The following TMEM196 variants were observed in gnomAD, a reference collection of about 807,000 sequenced individuals.
TMEM196 encodes the protein transmembrane protein 196.
Under a neutral mutation model 20.0 loss-of-function variants are expected in TMEM196, and 17 were observed. That is an observed-to-expected ratio of 0.85 (90% CI 0.58 to 1.27). The LOEUF (loss-of-function observed/expected upper bound fraction) is 1.27. Among genes scored for constraint, TMEM196 ranks in the 50% most tolerant of loss-of-function variants. TMEM196 has a pLI of 0.00. For synonymous variants in TMEM196, 113 were observed against 88.9 expected, an observed-to-expected ratio of 1.27 and a Z score of -1.52; for missense variants, 267 against 223.0, an observed-to-expected ratio of 1.20 and a Z score of -1.26.
chr7:19,754,376 A>G lies in TMEM196; in HGVS notation c.147+18174T>C, dbSNP rs543974211. On this transcript the variant is annotated intron_variant, in intron 1 of 4. Coordinates refer to ENST00000405844, the MANE Select transcript of TMEM196 (RefSeq NM_001363562.2). ...AATTCTCAGCCAAGTGCTTCATTCA[A>G]AGTTAGCCCAATAATTATTTGTCAA... 2.0e-5 allele frequency among the ~76,000 whole-genome samples: 3 copies of G among 152,304 alleles called. 1 individual carries two copies. The highest frequency in any genetic ancestry group is 4.8e-5 in the African/African-American group (2 of 41,568).
chr7:19,725,273 A>C (rs1446142659), intron 3 of TMEM196, among the ~76,000 whole-genome samples: 1 of 152,234 alleles, frequency 6.6e-6, no homozygotes, highest in Non-Finnish European at 1.5e-5. Context: ...TCAATATTTT[A>C]TGAAATACTA....
At position 19,720,301 on chromosome 7, in the gene TMEM196, A is replaced by T. The variant is rs1274482296; in HGVS notation, c.*1827T>A. On this transcript the variant is annotated 3_prime_UTR_variant, in exon 5 of 5. Transcript: ENST00000405844. Reference sequence around the variant, plus strand: ...TTCTGTTGAATAGATGACAGCCAGAATTTTAAGTGAGCTGATTTAAATAGG... The same window carrying T: ...TTCTGTTGAATAGATGACAGCCAGATTTTTAAGTGAGCTGATTTAAATAGG... 1 of 152,050 alleles carries T rather than the reference A, an allele frequency of 6.6e-6. No individual in the cohort carries two copies. Among genetic ancestry groups the T allele is most frequent in the East Asian group, 1.9e-4 (1 of 5,196 alleles). 9.4% of individuals were successfully genotyped at this position (152,050 alleles called of 1,614,324 possible). A position where few individuals can be genotyped will look rare whatever the true frequency, so the allele number is the denominator to read the frequency against.
intron 1 of TMEM196, among the ~76,000 whole-genome samples, chr7:19,752,219 A>G (rs569498874): frequency 6.6e-6 from 1 of 152,218 alleles, no homozygotes; most frequent in African/African-American, 2.4e-5. Flanking sequence ...GATGCACAGC[A>G]GTTAATGAAA....
rs61372235 is a variant in TMEM196, at chr7:19,771,716, T to C, written c.147+834A>G. On this transcript the variant is annotated intron_variant, in intron 1 of 4. Coordinates refer to ENST00000405844, the MANE Select transcript of TMEM196 (RefSeq NM_001363562.2). ...AATGGTGCTGAGTTATTTTATTGAATCTTGGTGGAAGAAATGGGTCTCTAA... is the reference window on the plus strand; with the variant it reads ...AATGGTGCTGAGTTATTTTATTGAACCTTGGTGGAAGAAATGGGTCTCTAA... Among the ~76,000 whole-genome samples the C allele has an allele frequency of 5.9e-5, 9 of 152,316 alleles. No homozygotes were observed. In the East Asian group the frequency reaches 1.5e-3, roughly 26 times the overall value.
intron 1 of TMEM196, among the ~76,000 whole-genome samples, chr7:19,736,527 T>C (rs969731199): frequency 3.3e-5 from 5 of 151,256 alleles, no homozygotes; most frequent in African/African-American, 1.2e-4. Flanking sequence ...AAAATTAGAG[T>C]ATCCGGGGTA....
intron 1 of TMEM196, among the ~76,000 whole-genome samples, chr7:19,752,923 T>C (rs931866220): frequency 6.6e-6 from 1 of 152,164 alleles, no homozygotes; most frequent in Non-Finnish European, 1.5e-5. Flanking sequence ...TTTTGTTCAA[T>C]TTTTAAAATC....
chr7:19,748,909 A>C (rs183916926), intron 1 of TMEM196, among the ~76,000 whole-genome samples: 2 of 152,322 alleles, frequency 1.3e-5, no homozygotes, highest in African/African-American at 4.8e-5. Context: ...TTAGGTCACA[A>C]TAAAATGTTT....
At chr7:19,767,427 T>TC (rs1785679936) in intron 1 of TMEM196, among the ~76,000 whole-genome samples, 1 of 152,056 alleles carries the variant, frequency 6.6e-6, no homozygotes, top group South Asian at 2.1e-4. Context: ...AAGAAAGAGA[T>TC]TCTTTACCTG....
At chr7:19,729,479 C>G (rs1249319991) in intron 1 of TMEM196, 41 bp from the exon 2 acceptor site, 3 of 1,530,650 alleles carry the variant, frequency 2.0e-6, no homozygotes, top group East Asian at 2.5e-5. Flanking sequence ...TATCCAAAGA[C>G]ACGAGGACCC....
intron 1 of TMEM196, among the ~76,000 whole-genome samples, chr7:19,747,185 G>A (rs1016722333): frequency 2.3e-4 from 35 of 150,674 alleles, no homozygotes; most frequent in Non-Finnish European, 2.8e-4. Flanking sequence ...AACCCGGGAG[G>A]CGGAGCTTGC....
In TMEM196 at chr7:19,743,547, T is replaced by C. The variant is rs144970911; in HGVS notation, c.148-14109A>G. 1.3e-3 allele frequency among the ~76,000 whole-genome samples: 202 copies of C among 152,310 alleles called. 1 individual carries two copies. Among genetic ancestry groups the C allele is most frequent in the African/African-American group, 4.5e-3 (189 of 41,588 alleles). ...ATGATTTTCTTCCTGAATACATTTA[T>C]GCCAGAGGTCATCAGTATACATAAT... On this transcript the variant is annotated intron_variant, in intron 1 of 4. Coordinates refer to ENST00000405844, the MANE Select transcript of TMEM196 (RefSeq NM_001363562.2).
Position 19,738,307 on chromosome 7 carries a change from G to A in TMEM196, c.148-8869C>T, listed in dbSNP as rs1051587700. 3.3e-5 allele frequency among the ~76,000 whole-genome samples: 5 copies of A among 152,144 alleles called. No homozygotes were observed. In the South Asian group the frequency reaches 6.2e-4, roughly 19 times the overall value. On this transcript the variant is annotated intron_variant, in intron 1 of 4. Coordinates refer to ENST00000405844, the MANE Select transcript of TMEM196 (RefSeq NM_001363562.2). ...GTAAGAGTCTAGAATGATCCACATC[G>A]TAAGGGATTGGAGTTGTAGGTATCA...
intron 1 of TMEM196, among the ~76,000 whole-genome samples, chr7:19,747,838 C>T (rs968395798): frequency 2.6e-5 from 4 of 152,054 alleles, no homozygotes; most frequent in African/African-American, 9.7e-5. Flanking sequence ...GATTGTGATG[C>T]GATGGGATAG....
chr7:19,759,225 C>T (rs1785333625), intron 1 of TMEM196, among the ~76,000 whole-genome samples: 1 of 152,152 alleles, frequency 6.6e-6, no homozygotes, highest in South Asian at 2.1e-4. Flanking sequence ...CATTACCTTA[C>T]TTCAGCTACT....
Position 19,772,774 on chromosome 7 carries a change from C to A in TMEM196, c.-78G>T. On this transcript the variant is annotated 5_prime_UTR_variant, in exon 1 of 5. Transcript: ENST00000405844. The stretch of plus-strand genomic sequence containing the variant: ...TTTTTTTCTTCCACTATCCTCCTTA[C>A]CCCTTCCACCCCCTACCAGATCCCA... 1 of 1,290,584 alleles carries A rather than the reference C, an allele frequency of 7.7e-7. No homozygotes were observed. Among genetic ancestry groups the A allele is most frequent in the East Asian group, 3.0e-5 (1 of 33,830 alleles). The allele number at this position is 1,290,584 out of a possible 1,614,324, so 79.9% of individuals were successfully genotyped here. A position where few individuals can be genotyped will look rare whatever the true frequency, so the allele number is the denominator to read the frequency against.
At chr7:19,759,726 T>G (rs1023579363) in intron 1 of TMEM196, among the ~76,000 whole-genome samples, 1 of 152,068 alleles carries the variant, frequency 6.6e-6, no homozygotes, top group Non-Finnish European at 1.5e-5. Flanking sequence ...AGAAACTCGA[T>G]TCTATCATTT....
chr7:19,760,514 T>C (rs10267872), intron 1 of TMEM196, among the ~76,000 whole-genome samples: 72,110 of 151,332 alleles, frequency 0.48, 20,059 homozygotes, highest in East Asian at 0.9. Flanking sequence ...ACATATGCCA[T>C]CACGCCCGGC....
rs1041077873 is a variant in TMEM196, at chr7:19,746,395, A to G, written c.148-16957T>C. Among the ~76,000 whole-genome samples the G allele has an allele frequency of 2.6e-5, 4 of 152,310 alleles. No homozygotes were observed. In the East Asian group the frequency reaches 7.7e-4, roughly 29 times the overall value. ...ATATACCGACTCTCTTTTTAATTGT[A>G]ATTTACCACGTGGCTAGATGCTCAA... On this transcript the variant is annotated intron_variant, in intron 1 of 4. Transcript: ENST00000405844.
Position 19,721,874 on chromosome 7 carries a change from C to T in TMEM196, c.*254G>A. 7.8e-6 allele frequency: 4 copies of T among 513,720 alleles called. No homozygotes were observed. In the South Asian group the frequency reaches 1.0e-4, roughly 13 times the overall value. The allele number at this position is 513,720 out of a possible 1,614,324, so 31.8% of individuals were successfully genotyped here. Reference sequence around the variant, plus strand: ...TGGAAAGCCTCTTGAAATTATTGTACTAGAATGTTTCTGGAAAGTTTTTTA... The same window carrying T: ...TGGAAAGCCTCTTGAAATTATTGTATTAGAATGTTTCTGGAAAGTTTTTTA... On this transcript the variant is annotated 3_prime_UTR_variant, in exon 5 of 5. Transcript: ENST00000405844.
Sources: gnomAD v4.1 joint callset for allele counts (sites outside exome capture counted in the v4.1 genomes callset) on GRCh38, gnomAD v4.1.1 for gene constraint, MANE v1.5 for transcripts, NCBI Gene and HGNC (gene_info 2026-07-23, HGNC 2026-07-21) for gene names.